AKT3: variants seen among roughly 807,000 people sequenced by gnomAD.
AKT3 encodes the protein RAC-gamma serine/threonine-protein kinase.
A neutral mutation model predicts 65.3 loss-of-function variants in AKT3; 15 were observed. The observed-to-expected ratio is 0.23, with a 90% CI of 0.15 to 0.35. The LOEUF (loss-of-function observed/expected upper bound fraction) is 0.35, where lower values mean the gene tolerates loss of function less well. Ranked by LOEUF, AKT3 falls within the 10% of genes least tolerant of loss-of-function variation. The pLI, the probability that AKT3 is intolerant of heterozygous loss-of-function variation, is 1.00. For synonymous variants in AKT3, 206 were observed against 183.8 expected, an observed-to-expected ratio of 1.12 and a Z score of -0.98; for missense variants, 243 against 576.5, an observed-to-expected ratio of 0.42 and a Z score of 5.92.
chr1:243,492,842 G>A (rs2148290472), intron 13 of AKT3, among the ~76,000 whole-genome samples: 1 of 151,916 alleles, frequency 6.6e-6, no homozygotes, highest in African/African-American at 2.4e-5. Context: ...CCTGACCTCA[G>A]GTGATCTGCC....
At chr1:243,840,997 G>C (rs1001312822) in intron 2 of AKT3, among the ~76,000 whole-genome samples, 1 of 151,996 alleles carries the variant, frequency 6.6e-6, no homozygotes, top group Non-Finnish European at 1.5e-5. Context: ...TGACAAAGGA[G>C]GTAGAAAAGA....
At chr1:243,720,761 C>G (rs1311175923) in intron 2 of AKT3, among the ~76,000 whole-genome samples, 1 of 152,120 alleles carries the variant, frequency 6.6e-6, no homozygotes, top group Non-Finnish European at 1.5e-5. Flanking sequence ...ATGCAATAAT[C>G]TCTTGTCCTT....
At chr1:243,782,510 G>A (rs766871751) in intron 2 of AKT3, among the ~76,000 whole-genome samples, 1 of 152,084 alleles carries the variant, frequency 6.6e-6, no homozygotes, top group Non-Finnish European at 1.5e-5. Flanking sequence ...TGCAGGCAGA[G>A]CCCTCATGAC....
At chr1:243,738,162 C>T (rs986771382) in intron 2 of AKT3, among the ~76,000 whole-genome samples, 1 of 152,174 alleles carries the variant, frequency 6.6e-6, no homozygotes, top group African/African-American at 2.4e-5. Flanking sequence ...CAGTTCTTTA[C>T]AATACAGCCA....
chr1:243,490,005 G>A (rs1240199157), intron 13 of AKT3, among the ~76,000 whole-genome samples: 1 of 152,326 alleles, frequency 6.6e-6, no homozygotes, highest in Middle Eastern at 3.4e-3. Flanking sequence ...GCTGACCAAG[G>A]CCTCCGCCTT....
intron 2 of AKT3, among the ~76,000 whole-genome samples, chr1:243,705,773 C>T (rs1685761391): frequency 6.6e-6 from 1 of 152,012 alleles, no homozygotes; most frequent in Admixed American, 6.6e-5. Flanking sequence ...CTGTACGCAG[C>T]CTCCTGCTGG....
At chr1:243,728,925 T>C (rs1687378911) in intron 2 of AKT3, among the ~76,000 whole-genome samples, 1 of 152,092 alleles carries the variant, frequency 6.6e-6, no homozygotes, top group Non-Finnish European at 1.5e-5. Flanking sequence ...CATCAGGTAG[T>C]GTATCAAGAA....
intron 2 of AKT3, among the ~76,000 whole-genome samples, chr1:243,722,230 G>T (rs1454073932): frequency 6.6e-6 from 1 of 151,930 alleles, no homozygotes; most frequent in Non-Finnish European, 1.5e-5. Flanking sequence ...GCGAGCTTAA[G>T]GTTTTATTAT....
At chr1:243,797,097 C>T (rs552583301) in intron 2 of AKT3, among the ~76,000 whole-genome samples, 2 of 151,944 alleles carry the variant, frequency 1.3e-5, no homozygotes, top group African/African-American at 2.4e-5. Context: ...GTCGCTGAAA[C>T]GTGCACTTAC....
intron 2 of AKT3, among the ~76,000 whole-genome samples, chr1:243,785,191 T>C (rs1691178198): frequency 6.6e-6 from 1 of 150,652 alleles, no homozygotes; most frequent in Non-Finnish European, 1.5e-5. Context: ...CAGCCGCAGG[T>C]GTGAGTAGCT....
chr1:243,491,993 C>G (rs1038662651), intron 13 of AKT3, among the ~76,000 whole-genome samples: 9 of 152,316 alleles, frequency 5.9e-5, no homozygotes, highest in Admixed American at 4.6e-4. Context: ...GCAAAGTCCA[C>G]CCCTTTCCTT....
intron 2 of AKT3, among the ~76,000 whole-genome samples, chr1:243,732,604 A>G (rs1687629003): frequency 6.6e-6 from 1 of 152,230 alleles, no homozygotes; most frequent in Non-Finnish European, 1.5e-5. Flanking sequence ...GTTGAGAAAA[A>G]TAAGTAATAA....
intron 3 of AKT3, among the ~76,000 whole-genome samples, chr1:243,683,464 G>A (rs1205403268): frequency 1.3e-5 from 2 of 152,002 alleles, no homozygotes; most frequent in Non-Finnish European, 2.9e-5. Context: ...TACACACAAG[G>A]TAGAAAACTT....
rs1669475064 is a variant in AKT3 at position 243,503,562 on chromosome 1, A to T, written c.*1687T>A. On this transcript the variant is annotated 3_prime_UTR_variant, in exon 14 of 14. Transcript: ENST00000673466. ...CTAGGACTTCACAGGCTGCTTTGGA[A>T]ATTGTCAGCTCCTAGCACCAAAGGG... 1 of 233,340 alleles carries T rather than the reference A, an allele frequency of 4.3e-6. No individual in the cohort carries two copies. The highest frequency in any genetic ancestry group is 8.5e-6 in the Non-Finnish European group (1 of 117,834). The allele number at this position is 233,340 out of a possible 1,614,324, so 14.5% of individuals were successfully genotyped here.
At chr1:243,701,934 T>C (rs539755857) in intron 2 of AKT3, among the ~76,000 whole-genome samples, 1 of 152,236 alleles carries the variant, frequency 6.6e-6, no homozygotes, top group South Asian at 2.1e-4. Context: ...TTAATTTTCA[T>C]GTTTAATCAC....
In AKT3 at chr1:243,491,414, G is replaced by T. The variant is rs532873264; in HGVS notation, c.*7-2964C>A. 4.6e-5 allele frequency among the ~76,000 whole-genome samples: 7 copies of T among 152,328 alleles called. No individual in the cohort carries two copies. In the South Asian group the frequency reaches 1.4e-3, roughly 32 times the overall value. ...GGCTCATCTCTAAAGCGGCCTTTCA[G>T]ATTCAAATATTACACTTGGAGTTAT... is the stretch of plus-strand genomic sequence containing the variant. On this transcript the variant is annotated intron_variant, in intron 13 of 13. Coordinates refer to the AKT3 transcript ENST00000336199.
chr1:243,649,269 A>C (rs777724977), intron 4 of AKT3, among the ~76,000 whole-genome samples: 1 of 151,604 alleles, frequency 6.6e-6, no homozygotes, highest in African/African-American at 2.4e-5. Context: ...ATCTTCCAAA[A>C]TGTACTCAGA....
chr1:243,688,008 C>A (rs1418785850), intron 3 of AKT3: 1 of 151,802 alleles, frequency 6.6e-6, no homozygotes, highest in Non-Finnish European at 1.5e-5. Flanking sequence ...AATTTGATAG[C>A]ATAAAGAAAA....
At chr1:243,572,863 C>T in intron 9 of AKT3, 63 bp downstream of exon 9, 1 of 1,461,372 alleles carries the variant, frequency 6.8e-7, no homozygotes, top group Non-Finnish European at 9.2e-7. Flanking sequence ...TTTGTAATTA[C>T]TTTATGTTTG....
Sources: allele counts gnomAD v4.1 joint callset (sites outside exome capture counted in the v4.1 genomes callset), GRCh38; gene constraint gnomAD v4.1.1; transcripts MANE v1.5; gene names NCBI Gene and HGNC (gene_info 2026-07-23, HGNC 2026-07-21).